AGBL1: variants seen among roughly 807,000 people sequenced by gnomAD.
The protein encoded by AGBL1 is AGBL carboxypeptidase 1, also known as cytosolic carboxypeptidase 4.
A neutral mutation model predicts 118.9 loss-of-function variants in AGBL1; 130 were observed. That is an observed-to-expected ratio of 1.09 (90% CI 0.95 to 1.26). The LOEUF (loss-of-function observed/expected upper bound fraction) is 1.26. Among genes scored for constraint, AGBL1 ranks in the 50% most tolerant of loss-of-function variants. The probability of loss-of-function intolerance (pLI) is 0.00; values close to 1 mark genes in which losing one functional copy is unlikely to be tolerated. For missense variants in AGBL1, 1,584 were observed against 1,298.1 expected, an observed-to-expected ratio of 1.22 and a Z score of -3.38; for synonymous variants, 555 against 478.9, an observed-to-expected ratio of 1.16 and a Z score of -2.08.
At chr15:86,670,600 G>GACACACAC (rs9302341) in intron 21 of AGBL1, among the ~76,000 whole-genome samples, 25,419 of 132,792 alleles carry the variant, frequency 0.19, 2,970 homozygotes, top group East Asian at 0.49. Flanking sequence ...GTGAAACTCT[G>GACACACAC]ACACACACAC....
chr15:86,420,791 G>T (rs972581043), intron 18 of AGBL1, among the ~76,000 whole-genome samples: 1 of 152,146 alleles, frequency 6.6e-6, no homozygotes, highest in African/African-American at 2.4e-5. Flanking sequence ...GAAAAACACA[G>T]CAGGAGAACT....
intron 23 of AGBL1, among the ~76,000 whole-genome samples, chr15:86,961,446 G>T (rs56156838): frequency 0.015 from 2,319 of 152,044 alleles, 28 homozygotes; most frequent in Admixed American, 0.024. Flanking sequence ...CAGTGGGGAG[G>T]GCACCAGATT....
intron 5 of AGBL1, among the ~76,000 whole-genome samples, chr15:86,199,186 A>G (rs2077865055): frequency 6.6e-6 from 1 of 152,154 alleles, no homozygotes; most frequent in African/African-American, 2.4e-5. Flanking sequence ...ACATAGCCCT[A>G]TCTCATTCTT....
At chr15:86,399,997 C>T (rs190247493) in intron 18 of AGBL1, among the ~76,000 whole-genome samples, 2 of 152,222 alleles carry the variant, frequency 1.3e-5, no homozygotes, top group Admixed American at 6.5e-5. Context: ...ATCTACAGGT[C>T]GTAGCACATC....
rs186007956 is a variant in AGBL1, at chr15:86,266,497, G to A, written c.1751+40G>A. ...GCATCTGAGGAAGGTGGGGCATGGA[G>A]AATTCTCTTAATGGCATGAGAATAG... On this transcript the variant is annotated intron_variant, in intron 12 of 22. Transcript: ENST00000614907. 7.4e-4 allele frequency: 1,043 copies of A among 1,412,648 alleles called. 2 individuals carry two copies. Among genetic ancestry groups the A allele is most frequent in the Middle Eastern group, 3.6e-3 (20 of 5,580 alleles). The allele number at this position is 1,412,648 out of a possible 1,614,324, so 87.5% of individuals were successfully genotyped here.
chr15:86,136,378 G>C (rs1468821086), intron 1 of AGBL1, among the ~76,000 whole-genome samples: 1 of 152,200 alleles, frequency 6.6e-6, no homozygotes, highest in African/African-American at 2.4e-5. Context: ...TGTTCTTGGA[G>C]AGGCCAGGCC....
rs1896579799 is a variant in AGBL1 at position 86,099,487 on chromosome 15, T to G, written c.51+19464T>G. ...TTTTTTGGCTTTTGTACATGTAAGA[T>G]TATGGTATTTTCAAAGGACAATTTG... is the stretch of plus-strand genomic sequence containing the variant. On this transcript the variant is annotated intron_variant, in intron 1 of 22. Transcript: ENST00000614907. Among the ~76,000 whole-genome samples, 5 of 152,078 alleles carry G rather than the reference T, an allele frequency of 3.3e-5. No individual in the cohort carries two copies. In the South Asian group the frequency reaches 1.0e-3, roughly 31 times the overall value.
intron 22 of AGBL1, among the ~76,000 whole-genome samples, chr15:86,903,377 T>A (rs907378997): frequency 3.3e-5 from 5 of 152,198 alleles, no homozygotes; most frequent in Admixed American, 6.5e-5. Context: ...CTACCTTTTT[T>A]TCTGGGATGT....
At chr15:86,108,755 G>A (rs1379911764) in intron 1 of AGBL1, among the ~76,000 whole-genome samples, 3 of 152,134 alleles carry the variant, frequency 2.0e-5, no homozygotes, top group African/African-American at 4.8e-5. Context: ...TCAAGAGATC[G>A]AAGCCATCCT....
chr15:86,340,023 G>A (rs1414055405), intron 17 of AGBL1, among the ~76,000 whole-genome samples: 1 of 151,908 alleles, frequency 6.6e-6, no homozygotes, highest in African/African-American at 2.4e-5. Context: ...GTTTGCCAAG[G>A]ACCTTTTTAA....
intron 3 of AGBL1, among the ~76,000 whole-genome samples, chr15:86,146,839 A>G (rs1400165596): frequency 2.0e-5 from 3 of 152,100 alleles, no homozygotes; most frequent in African/African-American, 7.2e-5. Flanking sequence ...TTTAGTTACA[A>G]CCTCTTTGCT....
chr15:86,836,575 A>AT (rs1332641538), intron 22 of AGBL1, among the ~76,000 whole-genome samples: 2 of 152,090 alleles, frequency 1.3e-5, no homozygotes, highest in African/African-American at 4.8e-5. Context: ...GTCTAGTTAT[A>AT]TTATCTTCTC....
chr15:86,851,132 C>T (rs956422092), intron 22 of AGBL1, among the ~76,000 whole-genome samples: 6 of 152,154 alleles, frequency 3.9e-5, no homozygotes, highest in Non-Finnish European at 7.3e-5. Flanking sequence ...TTGCTCTTAT[C>T]CCTTCTAAGT....
intron 24 of AGBL1, among the ~76,000 whole-genome samples, chr15:87,013,340 A>T (rs2081580465): frequency 6.6e-6 from 1 of 152,132 alleles, no homozygotes; most frequent in Admixed American, 6.6e-5. Flanking sequence ...TTCCATTGGC[A>T]TTGAGTGCAT....
At chr15:86,956,877 T>A (rs1350497495) in intron 23 of AGBL1, among the ~76,000 whole-genome samples, 1 of 152,184 alleles carries the variant, frequency 6.6e-6, no homozygotes, top group African/African-American at 2.4e-5. Context: ...AATTAATATT[T>A]ACATAAGTTA....
chr15:86,665,026 T>C (rs1010682423), intron 21 of AGBL1, among the ~76,000 whole-genome samples: 19 of 152,146 alleles, frequency 1.2e-4, no homozygotes, highest in Non-Finnish European at 2.1e-4. Context: ...CAGTTAACAT[T>C]TTTGTGCCCA....
At chr15:86,250,603 A>C (rs568194370) in intron 7 of AGBL1, among the ~76,000 whole-genome samples, 64 of 144,306 alleles carry the variant, frequency 4.4e-4, no homozygotes, top group African/African-American at 1.6e-3. Flanking sequence ...AATGTTATCA[A>C]GTTTATGTGC....
intron 5 of AGBL1, among the ~76,000 whole-genome samples, chr15:86,169,091 T>A (rs2077379859): frequency 6.6e-6 from 1 of 152,168 alleles, no homozygotes; most frequent in African/African-American, 2.4e-5. Context: ...GTTTCTAGAT[T>A]GCAGTGCAGG....
intron 22 of AGBL1, among the ~76,000 whole-genome samples, chr15:86,826,141 T>C (rs1567193556): frequency 6.6e-6 from 1 of 152,160 alleles, no homozygotes; most frequent in African/African-American, 2.4e-5. Context: ...TATGTACGTA[T>C]AGAAGAAAAG....
Sources: gnomAD v4.1 joint callset for allele counts (sites outside exome capture counted in the v4.1 genomes callset) on GRCh38, gnomAD v4.1.1 for gene constraint, MANE v1.5 for transcripts, NCBI Gene and HGNC (gene_info 2026-07-23, HGNC 2026-07-21) for gene names.